Variants in ZFHX4 observed in about 807,000 individuals in gnomAD.
The protein encoded by ZFHX4 is zinc finger homeobox 4, also known as zinc finger homeobox protein 4.
A neutral mutation model predicts 267.6 loss-of-function variants in ZFHX4; 56 were observed. The observed-to-expected ratio is 0.21, with a 90% CI of 0.17 to 0.26. The LOEUF (loss-of-function observed/expected upper bound fraction) is 0.26. Among genes scored for constraint, ZFHX4 ranks in the 10% least tolerant of loss-of-function variants. The pLI, the probability that ZFHX4 is intolerant of heterozygous loss-of-function variation, is 1.00. For missense variants in ZFHX4, 4,332 were observed against 4,420.0 expected, an observed-to-expected ratio of 0.98 and a Z score of 0.56; for synonymous variants, 1,778 against 1,665.6, an observed-to-expected ratio of 1.07 and a Z score of -1.64.
intron 4 of ZFHX4, among the ~76,000 whole-genome samples, chr8:76,808,766 A>T (rs181074280): frequency 2.6e-5 from 4 of 152,282 alleles, no homozygotes; most frequent in Non-Finnish European, 5.9e-5. Context: ...TCTATAAAAA[A>T]TTGACAGATG....
At chr8:76,708,358 G>T (rs866792345) in intron 3 of ZFHX4, 127 of 257,928 alleles carry the variant, frequency 4.9e-4, no homozygotes, top group African/African-American at 3.5e-3. Context: ...TAAACCTATT[G>T]ATTTTTTTTT....
chr8:76,849,248 T>TC, intron 7 of ZFHX4, 120 bp downstream of exon 7: 2 of 1,156,150 alleles, frequency 1.7e-6, no homozygotes, highest in Non-Finnish European at 2.4e-6. Context: ...ATTGGCAATG[T>TC]AACTCTTGGT....
chr8:76,854,783 A>G lies in ZFHX4; in HGVS notation c.7862A>G (p.Tyr2621Cys), dbSNP rs768356106. 3 of 1,611,038 alleles carry G rather than the reference A, an allele frequency of 1.9e-6. No homozygotes were observed. Among genetic ancestry groups the G allele is most frequent in the South Asian group, 1.1e-5 (1 of 90,646 alleles). ...TITPEQLEIL[Y>C]EKYLLDSNPT... ...ACCCCGGAACAGCTGGAAATACTCT[A>G]TGAAAAATACTTGCTGGATTCCAAT... is the stretch of plus-strand genomic sequence containing the variant. The change falls in exon 10 of 11, where the codon TAT becomes TGT. Residue 2621 changes from tyrosine (Y) to cysteine (C), a missense_variant. By Grantham distance (194) the Tyr-to-Cys change is radical. Around this residue, in one of 7 missense-constraint regions of ZFHX4, gnomAD observed 1,648 missense variants for 1,625.0 expected, o/e 1.01. Coordinates refer to ENST00000651372, the MANE Select transcript of ZFHX4 (RefSeq NM_024721.5).
In ZFHX4 at chr8:76,705,215, C is replaced by G. The variant is rs745707914; in HGVS notation, c.1127C>G (p.Pro376Arg). 33 of 1,613,826 alleles carry G rather than the reference C, an allele frequency of 2.0e-5. No homozygotes were observed. The highest frequency in any genetic ancestry group is 2.8e-5 in the Non-Finnish European group (33 of 1,179,906). Reference sequence around the variant, plus strand: ...CATGTTGAAAATGGTGACTCTTTGCCGGCTGGCTTTGCCTTCTTAAAAGGA... The same window carrying G: ...CATGTTGAAAATGGTGACTCTTTGCGGGCTGGCTTTGCCTTCTTAAAAGGA... ...AFHVENGDSL[P>R]AGFAFLKGSA... The change falls in exon 2 of 11, where the codon CCG (proline) becomes CGG (arginine). Residue 376 changes from proline to arginine, a missense_variant. Physicochemically the swap from Pro to Arg is moderately radical, Grantham distance 103. This residue lies in a region of ZFHX4 where 1,195 missense variants were observed against 1,173.6 expected (regional missense o/e 1.02). Transcript: ENST00000651372.
chr8:76,760,289 T>A (rs1809875304), intron 3 of ZFHX4, among the ~76,000 whole-genome samples: 1 of 152,192 alleles, frequency 6.6e-6, no homozygotes, highest in Admixed American at 6.5e-5. Flanking sequence ...TGAAACAATA[T>A]GGCATGTGGA....
At chr8:76,835,631 T>G (rs1226059202) in intron 5 of ZFHX4, among the ~76,000 whole-genome samples, 2 of 152,070 alleles carry the variant, frequency 1.3e-5, no homozygotes, top group African/African-American at 4.8e-5. Context: ...TTTTAAAATC[T>G]TATTTTCTCC....
chr8:76,742,851 C>G (rs778397618), intron 3 of ZFHX4, among the ~76,000 whole-genome samples: 3 of 152,090 alleles, frequency 2.0e-5, no homozygotes, highest in Non-Finnish European at 2.9e-5. Context: ...ATCAAGCAAC[C>G]CAGCCTGACC....
chr8:76,750,518 T>C (rs540184662), intron 3 of ZFHX4, among the ~76,000 whole-genome samples: 1 of 152,276 alleles, frequency 6.6e-6, no homozygotes, highest in African/African-American at 2.4e-5. Context: ...ATGTGTATTC[T>C]TACAAGGTAA....
rs1310835021 is a variant in ZFHX4, at chr8:76,850,756, G to T, written c.3965-130G>T. The T allele has an allele frequency of 3.5e-6, 4 of 1,132,838 alleles. No individual in the cohort carries two copies. In the African/African-American group the frequency reaches 6.3e-5, roughly 18 times the overall value. The allele number at this position is 1,132,838 out of a possible 1,614,324, so 70.2% of individuals were successfully genotyped here. A position where few individuals can be genotyped will look rare whatever the true frequency, so the allele number is the denominator to read the frequency against. ...GTCCAGTGCTTGCCACATAGTAGTT[G>T]CTCAGTAAACATTTATTCAAACAAT... On this transcript the variant is annotated intron_variant, in intron 9 of 10. Transcript: ENST00000651372.
intron 1 of ZFHX4, among the ~76,000 whole-genome samples, chr8:76,691,092 T>C (rs555927495): frequency 6.6e-6 from 1 of 152,202 alleles, no homozygotes; most frequent in African/African-American, 2.4e-5. Flanking sequence ...CTCAACTGTA[T>C]TGGCTATTTG....
chr8:76,808,838 T>G (rs891939025), intron 4 of ZFHX4, among the ~76,000 whole-genome samples: 1 of 152,074 alleles, frequency 6.6e-6, no homozygotes, highest in African/African-American at 2.4e-5. Context: ...GATATTTCAG[T>G]CCTTTTCGCA....
At position 76,856,104 on chromosome 8, in the gene ZFHX4, G is replaced by A; in HGVS notation, c.9183G>A (p.Gln3061=). Residue 3061 remains glutamine (Q), a synonymous_variant, in exon 10 of 11, where the codon CAG becomes CAA. Coordinates refer to ENST00000651372, the MANE Select transcript of ZFHX4 (RefSeq NM_024721.5). ...CCACGGTTCGGCAGCTGATGGCACAGCAAGAACTTGATCGTATAAAGAAAG... is the reference window on the plus strand; with the variant it reads ...CCACGGTTCGGCAGCTGATGGCACAACAAGAACTTGATCGTATAAAGAAAG... ...APTTVRQLMA[Q]QELDRIKKAS... is the part of the protein sequence containing the mutation. The A allele has an allele frequency of 6.2e-7, 1 of 1,613,992 alleles. No homozygotes were observed. The highest frequency in any genetic ancestry group is 8.5e-7 in the Non-Finnish European group (1 of 1,179,876).
chr8:76,806,208 C>T (rs767725319), intron 4 of ZFHX4, among the ~76,000 whole-genome samples: 7 of 152,096 alleles, frequency 4.6e-5, no homozygotes, highest in Admixed American at 1.3e-4. Context: ...TCAAATAACA[C>T]GTAGCATGAT....
At chr8:76,839,862 G>T (rs1403162779) in intron 5 of ZFHX4, among the ~76,000 whole-genome samples, 1 of 152,066 alleles carries the variant, frequency 6.6e-6, no homozygotes, top group African/African-American at 2.4e-5. Flanking sequence ...CCCTTAACCC[G>T]AGTTCTAACC....
intron 3 of ZFHX4, among the ~76,000 whole-genome samples, chr8:76,753,723 C>T (rs925137395): frequency 6.8e-6 from 1 of 147,876 alleles, no homozygotes; most frequent in African/African-American, 2.5e-5. Flanking sequence ...TCTCCAAGCT[C>T]AAGCTATTCT....
chr8:76,766,823 A>G (rs1383493975), intron 3 of ZFHX4, among the ~76,000 whole-genome samples: 1 of 150,764 alleles, frequency 6.6e-6, no homozygotes, highest in Non-Finnish European at 1.5e-5. Context: ...TTACTTTTCA[A>G]TTACTATTTA....
chr8:76,755,820 T>G (rs1479531190), intron 3 of ZFHX4, among the ~76,000 whole-genome samples: 1 of 152,148 alleles, frequency 6.6e-6, no homozygotes, highest in Non-Finnish European at 1.5e-5. Context: ...AGTCTAGATC[T>G]TACAGTGTAT....
At chr8:76,850,773 T>G in intron 9 of ZFHX4, 113 bp from the exon 10 acceptor site, 1 of 1,259,842 alleles carries the variant, frequency 7.9e-7, no homozygotes, top group South Asian at 1.9e-5. Context: ...AAACATTTAT[T>G]CAAACAATTA....
At chr8:76,731,887 A>ATTATTATTATTATTG (rs1164734319) in intron 3 of ZFHX4, among the ~76,000 whole-genome samples, 2 of 149,436 alleles carry the variant, frequency 1.3e-5, no homozygotes, top group Non-Finnish European at 3.0e-5. Flanking sequence ...TATTATTATT[A>ATTATTATTATTATTG]TTATTTTTGA....
Sources: gnomAD v4.1 joint callset for allele counts (sites outside exome capture counted in the v4.1 genomes callset) on GRCh38, gnomAD v4.1.1 for gene constraint, gnomAD v4.1.1 regional missense constraint, MANE v1.5 for transcripts, NCBI Gene and HGNC (gene_info 2026-07-23, HGNC 2026-07-21) for gene names.